Variants in PIP4K2A observed in about 807,000 individuals in gnomAD.
The protein encoded by PIP4K2A is phosphatidylinositol 5-phosphate 4-kinase type-2 alpha.
In PIP4K2A, 14 loss-of-function variants were observed where a neutral mutation model predicts 42.9. The ratio of observed to expected loss-of-function variants is 0.33; its 90% CI spans 0.22 to 0.51. The LOEUF is 0.51. Among genes scored for constraint, PIP4K2A ranks in the 20% least tolerant of loss-of-function variants. The pLI, the probability that PIP4K2A is intolerant of heterozygous loss-of-function variation, is 0.97. For synonymous variants in PIP4K2A, 192 were observed against 192.2 expected (o/e 1.00, Z 0.01); for missense variants, 434 against 519.8 (o/e 0.83, Z 1.61).
intron 1 of PIP4K2A, among the ~76,000 whole-genome samples, chr10:22,669,697 C>G (rs1839412781): frequency 6.6e-6 from 1 of 152,216 alleles, no homozygotes; most frequent in African/African-American, 2.4e-5. Flanking sequence ...TACAGACGGT[C>G]TGCGACTTGC....
At chr10:22,623,227 C>CA (rs1337190160) in intron 1 of PIP4K2A, among the ~76,000 whole-genome samples, 1 of 151,618 alleles carries the variant, frequency 6.6e-6, no homozygotes, top group Admixed American at 6.6e-5. Flanking sequence ...TGAGAAAGCA[C>CA]AAAAAAAGCA....
intron 1 of PIP4K2A, among the ~76,000 whole-genome samples, chr10:22,644,785 C>T (rs1217448557): frequency 1.3e-5 from 2 of 152,184 alleles, no homozygotes; most frequent in Non-Finnish European, 2.9e-5. Context: ...CTTCTAGGAC[C>T]TACACTTGTG....
chr10:22,556,114 G>C (rs991975114), intron 6 of PIP4K2A, among the ~76,000 whole-genome samples: 2 of 152,168 alleles, frequency 1.3e-5, no homozygotes, highest in African/African-American at 4.8e-5. Context: ...AAATTTGGAA[G>C]ACACTTTTGT....
chr10:22,649,718 C>T (rs1473523280), intron 1 of PIP4K2A, among the ~76,000 whole-genome samples: 9 of 152,288 alleles, frequency 5.9e-5, no homozygotes, highest in African/African-American at 1.9e-4. Flanking sequence ...GGGTGGACAG[C>T]TACATAATGG....
chr10:22,574,444 G>GTTT (rs765734098), intron 4 of PIP4K2A, among the ~76,000 whole-genome samples: 66,226 of 142,144 alleles, frequency 0.47, 15,859 homozygotes, highest in East Asian at 0.8. Flanking sequence ...TTCATTTTCT[G>GTTT]TTTTTTTTTT....
chr10:22,653,241 C>A (rs989021001), intron 1 of PIP4K2A, among the ~76,000 whole-genome samples: 1 of 152,112 alleles, frequency 6.6e-6, no homozygotes. Flanking sequence ...GAAAACTCCT[C>A]CCCTCTTGCC....
At chr10:22,601,465 A>G (rs756813355) in intron 3 of PIP4K2A, among the ~76,000 whole-genome samples, 1 of 152,200 alleles carries the variant, frequency 6.6e-6, no homozygotes, top group Non-Finnish European at 1.5e-5. Context: ...AGGCTGTCCA[A>G]TCAGAGAGGG....
At chr10:22,565,868 C>G (rs537503957) in intron 6 of PIP4K2A, among the ~76,000 whole-genome samples, 1 of 152,088 alleles carries the variant, frequency 6.6e-6, no homozygotes, top group East Asian at 1.9e-4. Context: ...CTCTTATGGT[C>G]GAAACTGCGG....
chr10:22,668,476 C>A (rs1429298260), intron 1 of PIP4K2A, among the ~76,000 whole-genome samples: 1 of 152,100 alleles, frequency 6.6e-6, no homozygotes, highest in African/African-American at 2.4e-5. Context: ...GCTTCTGGAT[C>A]ATATTGAAAT....
At chr10:22,686,610 C>T (rs1473285386) in intron 1 of PIP4K2A, among the ~76,000 whole-genome samples, 1 of 152,128 alleles carries the variant, frequency 6.6e-6, no homozygotes, top group Non-Finnish European at 1.5e-5. Flanking sequence ...ACTGAGACCA[C>T]AGGCATACAC....
At chr10:22,609,787 ACCTTGGG>A in intron 1 of PIP4K2A, 70 bp from the exon 2 acceptor site, 1 of 885,310 alleles carries the variant, frequency 1.1e-6, no homozygotes, top group Admixed American at 2.4e-5. Flanking sequence ...TTGAATGTGT[ACCTTGGG>A]AAAAAAAACA....
chr10:22,595,870 G>A (rs768092915), intron 3 of PIP4K2A, among the ~76,000 whole-genome samples: 20 of 152,208 alleles, frequency 1.3e-4, no homozygotes, highest in Non-Finnish European at 2.5e-4. Context: ...GAGAGAACAG[G>A]CTGAATTAGA....
chr10:22,679,076 G>C (rs778699703), intron 1 of PIP4K2A, among the ~76,000 whole-genome samples: 11 of 152,188 alleles, frequency 7.2e-5, no homozygotes, highest in South Asian at 2.1e-4. Context: ...CAACAAACTA[G>C]AGGAAGTGGA....
chr10:22,681,092 G>A (rs1159491998), intron 1 of PIP4K2A, among the ~76,000 whole-genome samples: 1 of 152,138 alleles, frequency 6.6e-6, no homozygotes, highest in Non-Finnish European at 1.5e-5. Context: ...GACTCCCCTA[G>A]AAATGTACTG....
chr10:22,599,201 A>G (rs1837697656), intron 3 of PIP4K2A, among the ~76,000 whole-genome samples: 1 of 152,230 alleles, frequency 6.6e-6, no homozygotes, highest in Non-Finnish European at 1.5e-5. Context: ...TTTAAAGTAT[A>G]CAACTCAACA....
intron 1 of PIP4K2A, among the ~76,000 whole-genome samples, chr10:22,689,770 G>C (rs1839825495): frequency 6.6e-6 from 1 of 152,198 alleles, no homozygotes. Context: ...TGCAAAGAAA[G>C]TGGAAACATA....
intron 8 of PIP4K2A, among the ~76,000 whole-genome samples, chr10:22,540,300 C>G (rs749710064): frequency 6.6e-6 from 1 of 152,138 alleles, no homozygotes; most frequent in Admixed American, 6.5e-5. Flanking sequence ...AGAAACAACC[C>G]TAACAACTAA....
At chr10:22,668,105 C>G (rs1839384857) in intron 1 of PIP4K2A, among the ~76,000 whole-genome samples, 1 of 152,126 alleles carries the variant, frequency 6.6e-6, no homozygotes, top group Non-Finnish European at 1.5e-5. Context: ...GCGCGTGCTA[C>G]CAATCCCAGC....
chr10:22,552,796 G>A (rs1836445475), intron 6 of PIP4K2A, among the ~76,000 whole-genome samples: 1 of 152,172 alleles, frequency 6.6e-6, no homozygotes, highest in African/African-American at 2.4e-5. Context: ...TTGGCGATGG[G>A]AGGCGTGTGG....
Sources: allele counts gnomAD v4.1 joint callset (sites outside exome capture counted in the v4.1 genomes callset), GRCh38; gene constraint gnomAD v4.1.1; transcripts MANE v1.5; gene names NCBI Gene and HGNC (gene_info 2026-07-23, HGNC 2026-07-21).